The following TCF12 variants were observed in gnomAD, a reference collection of about 807,000 sequenced individuals.
TCF12 encodes DNA-binding protein HTF4.
A neutral mutation model predicts 86.0 loss-of-function variants in TCF12; 45 were observed. The ratio of observed to expected loss-of-function variants is 0.52; its 90% confidence interval spans 0.41 to 0.67. The LOEUF (loss-of-function observed/expected upper bound fraction) is 0.67, where lower values mean the gene tolerates loss of function less well. Among genes scored for constraint, TCF12 ranks in the 30% least tolerant of loss-of-function variants. TCF12 has a pLI of 0.00. For missense variants in TCF12, 881 were observed against 859.9 expected (o/e 1.02, Z -0.31); for synonymous variants, 330 against 299.6 (o/e 1.10, Z -1.05).
At chr15:57,174,283 T>A (rs1198692560) in intron 6 of TCF12, among the ~76,000 whole-genome samples, 1 of 152,146 alleles carries the variant, frequency 6.6e-6, no homozygotes, top group Non-Finnish European at 1.5e-5. Flanking sequence ...TGTATTTAGT[T>A]CACCACATTA....
At chr15:57,108,108 G>A (rs997735210) in intron 5 of TCF12, among the ~76,000 whole-genome samples, 11 of 152,100 alleles carry the variant, frequency 7.2e-5, no homozygotes, top group Non-Finnish European at 8.8e-5. Flanking sequence ...GTAGGAAATG[G>A]GAAGCATCAA....
intron 3 of TCF12, among the ~76,000 whole-genome samples, chr15:57,045,495 T>C (rs1358707262): frequency 6.6e-6 from 1 of 152,188 alleles, no homozygotes; most frequent in Non-Finnish European, 1.5e-5. Context: ...TATCACTTGC[T>C]ATAATAAGTC....
At chr15:57,052,136 A>G (rs947106022) in intron 3 of TCF12, among the ~76,000 whole-genome samples, 6 of 152,236 alleles carry the variant, frequency 3.9e-5, no homozygotes, top group Non-Finnish European at 7.3e-5. Context: ...TTTTGCTTAC[A>G]TATGTACACT....
At chr15:57,077,576 G>A (rs555972483) in intron 4 of TCF12, among the ~76,000 whole-genome samples, 5 of 151,194 alleles carry the variant, frequency 3.3e-5, no homozygotes, top group South Asian at 2.1e-4. Flanking sequence ...ACAGGCTGCC[G>A]CCACTGCACC....
At chr15:57,096,447 G>T (rs1226910302) in intron 5 of TCF12, among the ~76,000 whole-genome samples, 2 of 151,964 alleles carry the variant, frequency 1.3e-5, no homozygotes, top group Admixed American at 1.3e-4. Context: ...ATAGCATCAT[G>T]TTAATAGAAT....
chr15:56,919,809 A>T, intron 1 of TCF12, 83 bp from the exon 2 acceptor site: 1 of 1,263,114 alleles, frequency 7.9e-7, no homozygotes, highest in East Asian at 2.5e-5. Flanking sequence ...GCTCTTGCGT[A>T]ATCTTCCCCA....
chr15:57,223,643 G>GTTTTGTTTTTTTTTTTTTT (rs2058708307), intron 8 of TCF12, among the ~76,000 whole-genome samples: 1 of 69,666 alleles, frequency 1.4e-5, no homozygotes, highest in Non-Finnish European at 2.8e-5. Flanking sequence ...TACCAATGAG[G>GTTTTGTTTTTTTTTTTTTT]TTTTTTTTTT....
At chr15:57,243,623 C>A (rs2059728018) in intron 13 of TCF12, 73 bp downstream of exon 13, 3 of 1,308,502 alleles carry the variant, frequency 2.3e-6, no homozygotes, top group African/African-American at 1.5e-5. Flanking sequence ...TATTTCTCAA[C>A]AAACTTTAAT....
At chr15:56,926,148 C>T (rs1231558315) in intron 3 of TCF12, among the ~76,000 whole-genome samples, 1 of 151,944 alleles carries the variant, frequency 6.6e-6, no homozygotes, top group Admixed American at 6.6e-5. Context: ...CCTGTCTCTA[C>T]CAAAAATACA....
chr15:57,075,766 C>G (rs2069844870), intron 4 of TCF12, among the ~76,000 whole-genome samples: 1 of 51,648 alleles, frequency 1.9e-5, no homozygotes, highest in South Asian at 9.5e-4. Flanking sequence ...TCTTTTCTTT[C>G]TTTCTTTCTT....
intron 3 of TCF12, among the ~76,000 whole-genome samples, chr15:56,935,659 A>G (rs1281058780): frequency 6.6e-6 from 1 of 152,088 alleles, no homozygotes; most frequent in African/African-American, 2.4e-5. Flanking sequence ...CCCAAAGTCC[A>G]AGGTATCATT....
intron 14 of TCF12, 50 bp downstream of exon 14, chr15:57,251,473 GT>G (rs1431088300): frequency 6.3e-7 from 1 of 1,579,660 alleles, no homozygotes; most frequent in Non-Finnish European, 8.7e-7. Context: ...GAGTTTGTTT[GT>G]TTTTGGTCAA....
At chr15:57,240,879 CAAAAAAAAAAAA>C (rs68154303) in intron 12 of TCF12, among the ~76,000 whole-genome samples, 2 of 65,692 alleles carry the variant, frequency 3.0e-5, no homozygotes, top group African/African-American at 1.1e-4. Flanking sequence ...GACCCTGTCT[CAAAAAAAAAAAA>C]AAAAAAAAAA....
chr15:57,227,342 A>G (rs1379580629), intron 8 of TCF12, among the ~76,000 whole-genome samples: 2 of 152,156 alleles, frequency 1.3e-5, no homozygotes, highest in Non-Finnish European at 2.9e-5. Flanking sequence ...GCACAGCTCC[A>G]GCCTCTAGAG....
At chr15:57,117,273 C>T (rs796721528) in intron 5 of TCF12, among the ~76,000 whole-genome samples, 1 of 152,028 alleles carries the variant, frequency 6.6e-6, no homozygotes. Context: ...CTCAAACAAT[C>T]CCCCTGCCTC....
chr15:56,954,510 G>A (rs1185856192), intron 3 of TCF12, among the ~76,000 whole-genome samples: 3 of 152,080 alleles, frequency 2.0e-5, no homozygotes, highest in Non-Finnish European at 2.9e-5. Context: ...GATAGGCATG[G>A]GCAAGGACTT....
At position 57,248,096 on chromosome 15, in the gene TCF12, CTCTT is replaced by C. The variant is rs1290316382; in HGVS notation, c.1115-3248_1115-3245del. On this transcript the variant is annotated intron_variant, in intron 13 of 20. Transcript: ENST00000333725. ...TTCCAACTCAAGTTCAGTATCCCATCTCTTTCTTTTGAGAGTCTTTTAAAAATTA... is the reference window on the plus strand; with the variant it reads ...TTCCAACTCAAGTTCAGTATCCCATCTCTTTTGAGAGTCTTTTAAAAATTA... The C allele has an allele frequency of 5.7e-6, 4 of 702,404 alleles. No homozygotes were observed. In the African/African-American group the frequency reaches 7.0e-5, roughly 12 times the overall value. 43.5% of individuals were successfully genotyped at this position (702,404 alleles called of 1,614,324 possible).
intron 3 of TCF12, among the ~76,000 whole-genome samples, chr15:56,941,722 C>T (rs114443683): frequency 0.012 from 1,756 of 149,610 alleles, 30 homozygotes; most frequent in African/African-American, 0.04. Flanking sequence ...GTTGACTGCT[C>T]TGATATGGAG....
intron 5 of TCF12, among the ~76,000 whole-genome samples, chr15:57,159,892 C>T (rs1477359711): frequency 1.3e-5 from 2 of 152,150 alleles, no homozygotes; most frequent in Non-Finnish European, 2.9e-5. Context: ...TGAATAGTAT[C>T]TATTCATTGA....
Sources: allele counts gnomAD v4.1 joint callset (sites outside exome capture counted in the v4.1 genomes callset), GRCh38; gene constraint gnomAD v4.1.1; transcripts MANE v1.5; gene names NCBI Gene and HGNC (gene_info 2026-07-23, HGNC 2026-07-21).